Variants in ZNF385D observed in about 807,000 individuals in gnomAD.
The protein encoded by ZNF385D is zinc finger protein 385D.
In ZNF385D, 15 loss-of-function variants were observed where a neutral mutation model predicts 35.8. The observed-to-expected ratio is 0.42, with a 90% confidence interval of 0.28 to 0.64. The LOEUF is 0.64. Ranked by LOEUF, ZNF385D falls within the 30% of genes least tolerant of loss-of-function variation. The pLI is 0.23. For synonymous variants in ZNF385D, 212 were observed against 186.8 expected, an observed-to-expected ratio of 1.13 and a Z score of -1.10; for missense variants, 474 against 494.6, an observed-to-expected ratio of 0.96 and a Z score of 0.39.
rs4044967 is a variant in ZNF385D, at chr3:21,823,452, T to C, written c.326-158424A>G. 1.3e-3 allele frequency among the ~76,000 whole-genome samples: 187 copies of C among 144,538 alleles called. 1 individual carries two copies. Among genetic ancestry groups the C allele is most frequent in the African/African-American group, 4.2e-3 (155 of 36,666 alleles). The allele number at this position is 144,538 out of a possible 152,430, so 94.8% of individuals were successfully genotyped here. ...AGCCCCCCAAACACACACACACACA[T>C]GCACATACACACACGGACGCAGCAC... On this transcript the variant is annotated intron_variant, in intron 3 of 5. Transcript: ENST00000494108.
At chr3:21,638,165 G>A (rs2125851729) in intron 2 of ZNF385D, among the ~76,000 whole-genome samples, 1 of 152,048 alleles carries the variant, frequency 6.6e-6, no homozygotes, top group East Asian at 1.9e-4. Flanking sequence ...ACAACATTTA[G>A]GAAAATACAA....
chr3:21,628,508 T>TA (rs201920205), intron 2 of ZNF385D, among the ~76,000 whole-genome samples: 43 of 139,388 alleles, frequency 3.1e-4, no homozygotes, highest in Non-Finnish European at 5.4e-4. Flanking sequence ...AATCTAGATT[T>TA]TAAAAAAATC....
chr3:21,782,102 T>A (rs1023215159), intron 3 of ZNF385D, among the ~76,000 whole-genome samples: 1 of 152,128 alleles, frequency 6.6e-6, no homozygotes, highest in African/African-American at 2.4e-5. Context: ...CCTCTCATCA[T>A]CTGATGCACT....
chr3:22,161,473 A>G (rs1325932376), intron 3 of ZNF385D, among the ~76,000 whole-genome samples: 2 of 152,106 alleles, frequency 1.3e-5, no homozygotes, highest in East Asian at 3.9e-4. Flanking sequence ...TTTTTAAAAG[A>G]GGAACTTAGT....
chr3:21,602,512 A>ATTTTT lies in ZNF385D; in HGVS notation c.166-37829_166-37828insAAAAA, dbSNP rs199882061. Among the ~76,000 whole-genome samples the ATTTTT allele has an allele frequency of 3.7e-4, 33 of 90,178 alleles. 1 individual carries two copies. Among genetic ancestry groups the ATTTTT allele is most frequent in the African/African-American group, 1.3e-3 (22 of 17,114 alleles). The allele number at this position is 90,178 out of a possible 152,430, so 59.2% of individuals were successfully genotyped here. On this transcript the variant is annotated intron_variant, in intron 2 of 7. Coordinates refer to ENST00000281523, the MANE Select transcript of ZNF385D (RefSeq NM_024697.3). ...GAATTTAGGTCTCCTGTTTCCCTGCATTTTCTTTTTTTTTTTTTTTTTTTT... is the reference window on the plus strand; with the variant it reads ...GAATTTAGGTCTCCTGTTTCCCTGCATTTTTTTTTCTTTTTTTTTTTTTTTTTTTT...
intron 3 of ZNF385D, among the ~76,000 whole-genome samples, chr3:21,961,177 G>A (rs914254256): frequency 5.9e-5 from 9 of 151,964 alleles, no homozygotes; most frequent in South Asian, 2.1e-4. Context: ...TCTGTATGCC[G>A]TAAGTATGTG....
chr3:22,328,046 C>T (rs146365131), intron 2 of ZNF385D, among the ~76,000 whole-genome samples: 2 of 152,180 alleles, frequency 1.3e-5, no homozygotes, highest in African/African-American at 4.8e-5. Context: ...TTTTCATTAC[C>T]TAAGTCTTTT....
At chr3:22,097,544 A>G (rs1280271180) in intron 3 of ZNF385D, among the ~76,000 whole-genome samples, 3 of 152,088 alleles carry the variant, frequency 2.0e-5, no homozygotes, top group Non-Finnish European at 2.9e-5. Context: ...AGATCTTGCT[A>G]AAGAGTTTTC....
intron 3 of ZNF385D, among the ~76,000 whole-genome samples, chr3:21,833,274 TCTG>T (rs1348486013): frequency 2.0e-5 from 3 of 152,186 alleles, no homozygotes; most frequent in African/African-American, 7.2e-5. Context: ...GTCTCTGAAA[TCTG>T]CTATTATTAC....
intron 3 of ZNF385D, among the ~76,000 whole-genome samples, chr3:21,551,110 G>C (rs1221201886): frequency 1.3e-5 from 2 of 152,178 alleles, no homozygotes; most frequent in African/African-American, 4.8e-5. Context: ...TCTAGCTGCT[G>C]AATGGCTTTC....
intron 2 of ZNF385D, among the ~76,000 whole-genome samples, chr3:22,178,561 T>C (rs1362899319): frequency 6.6e-6 from 1 of 152,200 alleles, no homozygotes; most frequent in East Asian, 1.9e-4. Flanking sequence ...TAGTTTCTTT[T>C]GCTGTGCAGA....
At chr3:22,023,702 A>G (rs1211518872) in intron 3 of ZNF385D, among the ~76,000 whole-genome samples, 2 of 152,076 alleles carry the variant, frequency 1.3e-5, no homozygotes, top group African/African-American at 4.8e-5. Flanking sequence ...ATCTCAATAG[A>G]AATTATTTTA....
chr3:21,582,817 G>T (rs1386863696), intron 2 of ZNF385D, among the ~76,000 whole-genome samples: 1 of 151,272 alleles, frequency 6.6e-6, no homozygotes, highest in African/African-American at 2.4e-5. Flanking sequence ...TCGCTCTATG[G>T]CCCAGGCTGG....
intron 2 of ZNF385D, among the ~76,000 whole-genome samples, chr3:22,308,219 T>G (rs1276492702): frequency 1.3e-5 from 2 of 152,150 alleles, no homozygotes; most frequent in Non-Finnish European, 2.9e-5. Context: ...AATAGTTTAC[T>G]CTAAGTTGCA....
chr3:22,221,535 A>G (rs2125280536), intron 2 of ZNF385D, among the ~76,000 whole-genome samples: 1 of 152,304 alleles, frequency 6.6e-6, no homozygotes, highest in Middle Eastern at 3.4e-3. Context: ...GCACAGAGGC[A>G]ATTTTGATAA....
At position 22,021,169 on chromosome 3, in the gene ZNF385D, G is replaced by T. The variant is rs115014323; in HGVS notation, c.325+147648C>A. On this transcript the variant is annotated intron_variant, in intron 3 of 5. Transcript: ENST00000494108. ...ATGGGTACAAGTATATTATTTAGGT[G>T]ATAGATACTCTAAAAGCCCTGACTT... Among the ~76,000 whole-genome samples, 1,389 of 151,796 alleles carry T rather than the reference G, an allele frequency of 9.2e-3. 21 individuals carry two copies. Among genetic ancestry groups the T allele is most frequent in the African/African-American group, 0.031 (1,295 of 41,428 alleles).
intron 2 of ZNF385D, among the ~76,000 whole-genome samples, chr3:22,343,095 G>C (rs1695496654): frequency 6.6e-6 from 1 of 152,134 alleles, no homozygotes. Context: ...GGAGATATTT[G>C]GTTAAAGTAT....
At chr3:21,711,148 T>A (rs1341224861) in intron 1 of ZNF385D, among the ~76,000 whole-genome samples, 1 of 148,910 alleles carries the variant, frequency 6.7e-6, no homozygotes, top group East Asian at 2.1e-4. Flanking sequence ...TTCACGCCAT[T>A]CTCCTGCCTC....
rs191412353 is a variant in ZNF385D at position 21,419,463 on chromosome 3, C to T, written c.*1751G>A. On this transcript the variant is annotated 3_prime_UTR_variant, in exon 8 of 8. Transcript: ENST00000281523. The stretch of plus-strand genomic sequence containing the variant: ...ATGGTTTCCTCTTGATTCTTTATAC[C>T]TCTCCAAGGGTTACAACACTTTGAG... The T allele has an allele frequency of 6.6e-5, 10 of 152,002 alleles. No individual in the cohort carries two copies. Among genetic ancestry groups the T allele is most frequent in the African/African-American group, 2.2e-4 (9 of 41,396 alleles). The allele number at this position is 152,002 out of a possible 1,614,324, so 9.4% of individuals were successfully genotyped here. A position where few individuals can be genotyped will look rare whatever the true frequency, so the allele number is the denominator to read the frequency against.
Sources: allele counts gnomAD v4.1 joint callset (sites outside exome capture counted in the v4.1 genomes callset), GRCh38; gene constraint gnomAD v4.1.1; transcripts MANE v1.5; gene names NCBI Gene and HGNC (gene_info 2026-07-23, HGNC 2026-07-21).